Variants in ZFHX3 observed in about 807,000 individuals in gnomAD.
ZFHX3 encodes zinc finger homeobox protein 3.
ZFHX3 carries 42 observed loss-of-function variants against 279.1 expected under a neutral mutation model. That is an observed-to-expected ratio of 0.15 (90% CI 0.12 to 0.19). The LOEUF is 0.19. Ranked by LOEUF, ZFHX3 falls within the 10% of genes least tolerant of loss-of-function variation. The probability of loss-of-function intolerance (pLI) is 1.00; values close to 1 mark genes in which losing one functional copy is unlikely to be tolerated. For missense variants in ZFHX3, 4,981 were observed against 4,754.0 expected, an observed-to-expected ratio of 1.05 and a Z score of -1.40; for synonymous variants, 2,293 against 1,957.8, an observed-to-expected ratio of 1.17 and a Z score of -4.52.
chr16:73,531,927 A>G (rs2019811477), intron 2 of ZFHX3, among the ~76,000 whole-genome samples: 1 of 151,764 alleles, frequency 6.6e-6, no homozygotes, highest in African/African-American at 2.4e-5. Context: ...TGCTTCTATA[A>G]AAAATTTAAA....
In ZFHX3 at chr16:72,829,817, G is replaced by T. The variant is rs761660062; in HGVS notation, c.3491C>A (p.Ala1164Asp). Reference protein sequence around the residue: ...EDVEGPSETAADPEELAKDQE... With the variant: ...EDVEGPSETADDPEELAKDQE... ...GTCCTTAGCAAGCTCCTCTGGATCA[G>T]CAGCTGTTTCACTGGGTCCTTCAAC... Residue 1164 changes from alanine to aspartate, a missense_variant, in exon 5 of 10, where the codon GCT becomes GAT. By Grantham distance (126) the Ala-to-Asp change is moderately radical. Transcript: ENST00000268489. The T allele has an allele frequency of 7.4e-6, 12 of 1,614,074 alleles. No homozygotes were observed. In the Admixed American group the frequency reaches 1.7e-4, roughly 22 times the overall value.
chr16:72,832,800 G>T (rs541932350), intron 4 of ZFHX3, among the ~76,000 whole-genome samples: 1 of 152,340 alleles, frequency 6.6e-6, no homozygotes, highest in Admixed American at 6.5e-5. Flanking sequence ...AGTCTGGACC[G>T]CCTAACCTGA....
intron 5 of ZFHX3, among the ~76,000 whole-genome samples, chr16:73,254,012 G>A (rs1200164257): frequency 6.6e-6 from 1 of 152,160 alleles, no homozygotes; most frequent in East Asian, 1.9e-4. Context: ...TTGGCAGCCT[G>A]CAGTTGTCTT....
At chr16:72,826,232 C>T (rs2036924314) in intron 5 of ZFHX3, among the ~76,000 whole-genome samples, 1 of 152,186 alleles carries the variant, frequency 6.6e-6, no homozygotes, top group Admixed American at 6.5e-5. Flanking sequence ...AGGAGGCCCA[C>T]TCCAAATGTA....
chr16:73,500,040 G>A (rs779653378), intron 2 of ZFHX3: 6 of 152,284 alleles, frequency 3.9e-5, no homozygotes, highest in South Asian at 4.1e-4. Flanking sequence ...ACTGATTTAC[G>A]TATTTACTAT....
chr16:73,318,085 A>G (rs1160973068), intron 4 of ZFHX3, among the ~76,000 whole-genome samples: 3 of 152,234 alleles, frequency 2.0e-5, no homozygotes, highest in African/African-American at 7.2e-5. Context: ...GGTCCTTGCC[A>G]GGTAGACTTG....
intron 1 of ZFHX3, among the ~76,000 whole-genome samples, chr16:73,878,147 C>T (rs1187957574): frequency 6.6e-6 from 1 of 151,926 alleles, no homozygotes; most frequent in Non-Finnish European, 1.5e-5. Context: ...GCACCTTTTT[C>T]TAACATCAAG....
At chr16:73,592,239 C>G (rs1001196310) in intron 2 of ZFHX3, among the ~76,000 whole-genome samples, 1 of 152,066 alleles carries the variant, frequency 6.6e-6, no homozygotes, top group Non-Finnish European at 1.5e-5. Context: ...TCAAAACAAA[C>G]AAACGAAAAC....
chr16:73,182,414 G>C (rs916368431), intron 5 of ZFHX3, among the ~76,000 whole-genome samples: 1 of 152,178 alleles, frequency 6.6e-6, no homozygotes, highest in Non-Finnish European at 1.5e-5. Flanking sequence ...CCAAGATCGT[G>C]CCACTGCATT....
chr16:73,056,121 C>T (rs1965551186), intron 1 of ZFHX3, among the ~76,000 whole-genome samples: 1 of 152,138 alleles, frequency 6.6e-6, no homozygotes, highest in Non-Finnish European at 1.5e-5. Context: ...CTGCCCACAC[C>T]TCATCTTCCC....
intron 4 of ZFHX3, among the ~76,000 whole-genome samples, chr16:73,286,006 C>T (rs898990472): frequency 6.6e-6 from 1 of 152,148 alleles, no homozygotes; most frequent in African/African-American, 2.4e-5. Context: ...TTTTGGAATT[C>T]ATAATATGCG....
intron 7 of ZFHX3, among the ~76,000 whole-genome samples, chr16:73,098,312 C>G (rs1184132929): frequency 6.6e-6 from 1 of 152,062 alleles, no homozygotes; most frequent in Non-Finnish European, 1.5e-5. Context: ...TCGTGATCCA[C>G]CCGTCACAGC....
intron 2 of ZFHX3, among the ~76,000 whole-genome samples, chr16:73,656,314 T>C (rs553394408): frequency 6.6e-6 from 1 of 152,322 alleles, no homozygotes; most frequent in African/African-American, 2.4e-5. Flanking sequence ...AAGCATAATG[T>C]TGACCCCCCA....
intron 3 of ZFHX3, among the ~76,000 whole-genome samples, chr16:72,938,087 G>A (rs1960216784): frequency 6.6e-6 from 1 of 152,272 alleles, no homozygotes; most frequent in Non-Finnish European, 1.5e-5. Flanking sequence ...CCTAGCACAT[G>A]ACGCAGAGAC....
intron 4 of ZFHX3, among the ~76,000 whole-genome samples, chr16:73,272,984 T>C (rs2014191716): frequency 6.6e-6 from 1 of 152,074 alleles, no homozygotes; most frequent in African/African-American, 2.4e-5. Flanking sequence ...TGGGCTCAAG[T>C]GATCCTCCAG....
At chr16:73,339,668 T>G (rs1344857780) in intron 3 of ZFHX3, among the ~76,000 whole-genome samples, 1 of 152,212 alleles carries the variant, frequency 6.6e-6, no homozygotes, top group African/African-American at 2.4e-5. Context: ...ATAAGCCAAC[T>G]AATCAACCAT....
intron 1 of ZFHX3, among the ~76,000 whole-genome samples, chr16:73,796,735 C>T (rs969128118): frequency 7.2e-5 from 11 of 152,228 alleles, no homozygotes; most frequent in South Asian, 2.1e-4. Flanking sequence ...ATGCATGCTT[C>T]GGGGAGAGAG....
intron 1 of ZFHX3, among the ~76,000 whole-genome samples, chr16:73,834,872 G>A (rs929776702): frequency 6.6e-6 from 1 of 151,614 alleles, no homozygotes; most frequent in African/African-American, 2.4e-5. Flanking sequence ...CCTGGCGACA[G>A]TACGAGACTT....
chr16:73,817,029 G>A (rs1225081853), intron 1 of ZFHX3, among the ~76,000 whole-genome samples: 1 of 152,206 alleles, frequency 6.6e-6, no homozygotes, highest in African/African-American at 2.4e-5. Flanking sequence ...ATGAGTAAGG[G>A]AGACAGTAGG....
Sources: allele counts gnomAD v4.1 joint callset (sites outside exome capture counted in the v4.1 genomes callset), GRCh38; gene constraint gnomAD v4.1.1; transcripts MANE v1.5; gene names NCBI Gene and HGNC (gene_info 2026-07-23, HGNC 2026-07-21).